TTC7A: variants seen among roughly 807,000 people sequenced by gnomAD.
TTC7A encodes the protein tetratricopeptide repeat domain 7A, also known as tetratricopeptide repeat protein 7A.
TTC7A carries 110 observed loss-of-function variants against 103.7 expected under a neutral mutation model. The observed-to-expected ratio is 1.06, with a 90% CI of 0.91 to 1.24. TTC7A has a LOEUF of 1.24. Ranked by LOEUF, TTC7A falls within the 50% of genes most tolerant of loss-of-function variation. TTC7A has a pLI of 0.00. For missense variants in TTC7A, 1,340 were observed against 1,116.3 expected (o/e 1.20, Z -2.86); for synonymous variants, 521 against 467.9 (o/e 1.11, Z -1.47).
chr2:47,017,935 G>A (rs1390768854), intron 11 of TTC7A, among the ~76,000 whole-genome samples: 1 of 151,338 alleles, frequency 6.6e-6, no homozygotes, highest in African/African-American at 2.4e-5. Context: ...ACAAAATATG[G>A]ATATATATAT....
At chr2:47,031,395 C>G (rs951222161) in intron 15 of TTC7A, among the ~76,000 whole-genome samples, 3 of 152,206 alleles carry the variant, frequency 2.0e-5, no homozygotes, top group Middle Eastern at 3.2e-3. Flanking sequence ...CATCTGCGCA[C>G]CTCTCTGGCA....
chr2:47,022,246 A>G (rs1679374482), intron 12 of TTC7A, among the ~76,000 whole-genome samples: 2 of 152,152 alleles, frequency 1.3e-5, no homozygotes, highest in Admixed American at 6.5e-5. Context: ...CTCAAGGCCC[A>G]GCCACAGCTC....
Position 47,013,745 on chromosome 2 carries a change from G to A in TTC7A, c.1392+2310G>A, listed in dbSNP as rs1335502928. 2.6e-5 allele frequency among the ~76,000 whole-genome samples: 4 copies of A among 152,244 alleles called. No homozygotes were observed. The South Asian group carries it at 8.3e-4, about 32-fold the overall frequency. ...CAAATTGAAATCAGATGAGTTAGGA[G>A]CAAAGTAATCAATGACAACATAAAT... On this transcript the variant is annotated intron_variant, in intron 11 of 19. Transcript: ENST00000319190.
At chr2:46,952,264 T>G (rs138155754) in intron 2 of TTC7A, among the ~76,000 whole-genome samples, 5,192 of 152,192 alleles carry the variant, frequency 0.034, 118 homozygotes, top group Middle Eastern at 0.068. Flanking sequence ...GACCTTCCAG[T>G]TTCTCATCTG....
chr2:47,073,901 C>A lies in TTC7A; in HGVS notation c.2555C>A (p.Ser852Tyr). The change falls in exon 20 of 20, where the codon TCC becomes TAC. Residue 852 changes from serine (S) to tyrosine (Y), a missense_variant. Ser to Tyr is a moderately radical substitution (Grantham distance 144). Coordinates refer to ENST00000319190, the MANE Select transcript of TTC7A (RefSeq NM_020458.4). ...GCCAGCAGCCCTGTACTGCCCTTCTCCATCATCCCCAGAGAGCTCTGACGA... is the reference window on the plus strand; with the variant it reads ...GCCAGCAGCCCTGTACTGCCCTTCTACATCATCCCCAGAGAGCTCTGACGA... ...LEASSPVLPF[S>Y]IIPREL 6.2e-7 allele frequency: 1 copy of A among 1,612,796 alleles called. No homozygotes were observed. The highest frequency in any genetic ancestry group is 8.5e-7 in the Non-Finnish European group (1 of 1,179,936).
At chr2:47,070,266 A>G (rs988320043) in intron 19 of TTC7A, among the ~76,000 whole-genome samples, 2 of 152,238 alleles carry the variant, frequency 1.3e-5, no homozygotes, top group Non-Finnish European at 2.9e-5. Flanking sequence ...TGGGTCCCAC[A>G]GGGAGGCTCC....
chr2:47,025,873 C>G (rs189133821), intron 14 of TTC7A, among the ~76,000 whole-genome samples: 3 of 152,348 alleles, frequency 2.0e-5, no homozygotes, highest in African/African-American at 7.2e-5. Flanking sequence ...CTGTGCCCCT[C>G]CAGGAGCATC....
intron 2 of TTC7A, among the ~76,000 whole-genome samples, chr2:46,926,621 C>G (rs1185936033): frequency 1.3e-5 from 2 of 152,166 alleles, no homozygotes; most frequent in African/African-American, 4.8e-5. Flanking sequence ...GTAGAGCCCC[C>G]CCAGGTGCCT....
chr2:47,001,631 C>T (rs1024071534), intron 8 of TTC7A, among the ~76,000 whole-genome samples: 5 of 152,092 alleles, frequency 3.3e-5, no homozygotes, highest in South Asian at 2.1e-4. Context: ...CCGAGGCGGG[C>T]GGATCACTTG....
intron 2 of TTC7A, among the ~76,000 whole-genome samples, chr2:46,952,221 A>G (rs1456690159): frequency 1.3e-5 from 2 of 152,200 alleles, no homozygotes; most frequent in Non-Finnish European, 2.9e-5. Context: ...GGGTTAAAAT[A>G]GCTGCCTGAC....
chr2:47,018,132 C>G (rs377445972), intron 11 of TTC7A, among the ~76,000 whole-genome samples: 37 of 150,610 alleles, frequency 2.5e-4, no homozygotes, highest in African/African-American at 8.3e-4. Context: ...CAAAAATTAG[C>G]CGGGCATGGT....
At chr2:46,949,316 A>G in intron 1 of TTC7A, among the ~76,000 whole-genome samples, 1 of 150,854 alleles carries the variant, frequency 6.6e-6, no homozygotes, top group East Asian at 2.0e-4. Flanking sequence ...GCTCACTGCA[A>G]CCTCCGTCTC....
At chr2:47,013,765 A>G (rs1233072820) in intron 11 of TTC7A, among the ~76,000 whole-genome samples, 1 of 152,250 alleles carries the variant, frequency 6.6e-6, no homozygotes. Flanking sequence ...CAATGACAAC[A>G]TAAATAGAAA....
At chr2:47,038,402 A>C (rs941087016) in intron 15 of TTC7A, among the ~76,000 whole-genome samples, 1 of 152,160 alleles carries the variant, frequency 6.6e-6, no homozygotes, top group Non-Finnish European at 1.5e-5. Flanking sequence ...CAGGCTGGGG[A>C]CCATTTACTA....
At chr2:47,019,296 G>A (rs1427697208) in intron 11 of TTC7A, among the ~76,000 whole-genome samples, 1 of 152,028 alleles carries the variant, frequency 6.6e-6, no homozygotes, top group Non-Finnish European at 1.5e-5. Context: ...ACTTTGGGAG[G>A]CCGAGGCAGG....
At chr2:46,984,253 G>C (rs1674776420) in intron 5 of TTC7A, among the ~76,000 whole-genome samples, 5 of 152,332 alleles carry the variant, frequency 3.3e-5, no homozygotes, top group African/African-American at 9.6e-5. Flanking sequence ...CTGTTACTGA[G>C]CTGAGCCCCT....
At chr2:47,035,198 G>A (rs1446563152) in intron 15 of TTC7A, 3 of 152,166 alleles carry the variant, frequency 2.0e-5, no homozygotes, top group African/African-American at 7.2e-5. Context: ...TTATTTGATT[G>A]TTCTTATTAA....
intron 15 of TTC7A, among the ~76,000 whole-genome samples, chr2:47,034,606 A>C (rs183617939): frequency 1.3e-5 from 2 of 152,246 alleles, no homozygotes; most frequent in Admixed American, 1.3e-4. Context: ...GAGCTTTCCA[A>C]TAACCAGCCT....
chr2:47,019,914 G>A (rs570626656), intron 11 of TTC7A, among the ~76,000 whole-genome samples: 1 of 152,180 alleles, frequency 6.6e-6, no homozygotes, highest in Admixed American at 6.5e-5. Context: ...GAAGAAAAGA[G>A]CGTGCTATTT....
Sources: allele counts gnomAD v4.1 joint callset (sites outside exome capture counted in the v4.1 genomes callset), GRCh38; gene constraint gnomAD v4.1.1; transcripts MANE v1.5; gene names NCBI Gene and HGNC (gene_info 2026-07-23, HGNC 2026-07-21).